Variants in DCAF13 observed in about 807,000 individuals in gnomAD.
DCAF13 encodes the protein DDB1- and CUL4-associated factor 13.
In DCAF13, 38 loss-of-function variants were observed where a neutral mutation model predicts 59.0. That is an observed-to-expected ratio of 0.64 (90% confidence interval 0.50 to 0.84). The LOEUF (loss-of-function observed/expected upper bound fraction) is 0.84. Ranked by LOEUF, DCAF13 falls within the 40% of genes least tolerant of loss-of-function variation. The pLI, the probability that DCAF13 is intolerant of heterozygous loss-of-function variation, is 0.00. For synonymous variants in DCAF13, 173 were observed against 175.0 expected (o/e 0.99, Z 0.09); for missense variants, 469 against 558.4 (o/e 0.84, Z 1.61).
chr8:103,415,552 C>A (rs561427641), intron 1 of DCAF13, 36 bp downstream of exon 1: 3 of 1,567,972 alleles, frequency 1.9e-6, no homozygotes, highest in Admixed American at 1.7e-5. Context: ...GGACGGTTTC[C>A]GCAAGTCGTT....
At chr8:103,440,105 A>G (rs77441025) in intron 8 of DCAF13, 31 bp from the exon 9 acceptor site, 240 of 1,509,246 alleles carry the variant, frequency 1.6e-4, no homozygotes, top group Non-Finnish European at 1.5e-4. Flanking sequence ...ACCAAAATCC[A>G]AAGGGTTTTA....
At chr8:103,423,051 G>C (rs1053156750) in intron 3 of DCAF13, among the ~76,000 whole-genome samples, 10 of 152,112 alleles carry the variant, frequency 6.6e-5, no homozygotes, top group Non-Finnish European at 1.5e-5. Context: ...ACCTTGCAAA[G>C]CATTCAGTTA....
chr8:103,421,136 C>A, intron 3 of DCAF13, 54 bp downstream of exon 3: 2 of 1,176,102 alleles, frequency 1.7e-6, no homozygotes, highest in Non-Finnish European at 2.5e-6. Flanking sequence ...TAAGAATAAT[C>A]TAATTGAATA....
chr8:103,418,848 A>ATTTATATATT (rs1563724007), intron 1 of DCAF13, among the ~76,000 whole-genome samples: 5 of 16,928 alleles, frequency 3.0e-4, no homozygotes, highest in African/African-American at 1.4e-3. Flanking sequence ...ATATATATAT[A>ATTTATATATT]TATATATATA....
rs748833131 is a variant in DCAF13 at position 103,426,164 on chromosome 8, T to G, written c.468+19T>G. Reference sequence around the variant, plus strand: ...AGGAAAGGTACAAAAGTAAATTGACTAATAGCTTGCCTATTAACATTCTTT... The same window carrying G: ...AGGAAAGGTACAAAAGTAAATTGACGAATAGCTTGCCTATTAACATTCTTT... On this transcript the variant is annotated intron_variant, in intron 4 of 10. Transcript: ENST00000612750. 7.2e-5 allele frequency: 103 copies of G among 1,433,886 alleles called. No individual in the cohort carries two copies. Among genetic ancestry groups the G allele is most frequent in the Non-Finnish European group, 9.6e-5 (99 of 1,029,680 alleles). 88.8% of individuals were successfully genotyped at this position (1,433,886 alleles called of 1,614,324 possible).
At chr8:103,424,928 G>A (rs1354349786) in intron 3 of DCAF13, among the ~76,000 whole-genome samples, 1 of 152,132 alleles carries the variant, frequency 6.6e-6, no homozygotes, top group African/African-American at 2.4e-5. Flanking sequence ...AATACTTTTT[G>A]TCTATAACAA....
At chr8:103,416,467 A>G (rs1315590068) in intron 1 of DCAF13, among the ~76,000 whole-genome samples, 1 of 152,166 alleles carries the variant, frequency 6.6e-6, no homozygotes, top group Non-Finnish European at 1.5e-5. Context: ...CAAGTGGTTT[A>G]GTATTCACCC....
chr8:103,424,048 TCC>T (rs1006759119), intron 3 of DCAF13, among the ~76,000 whole-genome samples: 7 of 151,742 alleles, frequency 4.6e-5, no homozygotes, highest in African/African-American at 1.7e-4. Flanking sequence ...AGATGAAGTC[TCC>T]CTCTGTCGCC....
In DCAF13 at chr8:103,415,473, T is replaced by A. The variant is rs770268158; in HGVS notation, c.27T>A (p.Asn9Lys). The A allele has an allele frequency of 6.2e-7, 1 of 1,613,666 alleles. No homozygotes were observed. Among genetic ancestry groups the A allele is most frequent in the South Asian group, 1.1e-5 (1 of 91,066 alleles). The change falls in exon 1 of 11, where the codon AAT (asparagine) becomes AAA (lysine). Residue 9 changes from asparagine to lysine, a missense_variant. By Grantham distance (94) the Asn-to-Lys change is moderately conservative. Around this residue, in one of 3 missense-constraint regions of DCAF13, gnomAD observed 355 missense variants for 399.1 expected, o/e 0.89. Coordinates refer to ENST00000612750, the MANE Select transcript of DCAF13 (RefSeq NM_015420.7). ...TGAAGGTGAAGATGCTGAGCCGGAA[T>A]CCGGACAATTATGTCCGCGAAACCA... The part of the protein sequence containing the change: MKVKMLSR[N>K]PDNYVRETKL...
rs1369542385 is a variant in DCAF13, at chr8:103,415,401, A to G, written c.-46A>G. On this transcript the variant is annotated 5_prime_UTR_variant, in exon 1 of 11. Transcript: ENST00000612750. ...GTGGGAGGAGGTGGCGGTGGGCGGA[A>G]CTCCTAGCGGACACCTCGTGGAGTC... 1.2e-6 allele frequency: 2 copies of G among 1,613,896 alleles called. No homozygotes were observed. The highest frequency in any genetic ancestry group is 1.7e-6 in the Non-Finnish European group (2 of 1,180,010).
Position 103,420,260 on chromosome 8 carries a change from T to G in DCAF13, c.71-4T>G, listed in dbSNP as rs1816704239. 1.2e-6 allele frequency: 2 copies of G among 1,612,994 alleles called. No homozygotes were observed. The highest frequency in any genetic ancestry group is 1.7e-5 in the Admixed American group (1 of 59,922). On this transcript the variant is annotated splice_region_variant and splice_polypyrimidine_tract_variant and intron_variant, in intron 1 of 10. Transcript: ENST00000612750. ...ATTATTAAGAAGGATCATTCTTATT[T>G]CAGTTCCAAGAAACTATGATCCTGC...
In DCAF13 at chr8:103,435,735, T is replaced by G. The variant is rs766706100; in HGVS notation, c.895T>G (p.Ser299Ala). The G allele has an allele frequency of 6.2e-7, 1 of 1,613,720 alleles. No individual in the cohort carries two copies. Among genetic ancestry groups the G allele is most frequent in the Non-Finnish European group, 8.5e-7 (1 of 1,179,812 alleles). ...CTCTCCCACTGGGAAGGAGTTTGTG[T>G]CTGCTAGTTTCGATAAATCTATTCG... is the stretch of plus-strand genomic sequence containing the variant. ...DYSPTGKEFV[S>A]ASFDKSIRIF... Residue 299 changes from serine (S) to alanine (A), a missense_variant, in exon 8 of 11, where the codon TCT becomes GCT. Coordinates refer to ENST00000612750, the MANE Select transcript of DCAF13 (RefSeq NM_015420.7).
intron 2 of DCAF13, 132 bp from the exon 3 acceptor site, chr8:103,420,843 G>T (rs1486533870): frequency 1.6e-5 from 10 of 641,104 alleles, no homozygotes; most frequent in Non-Finnish European, 2.5e-5. Flanking sequence ...CATATGCATT[G>T]CATTGTTTTA....
chr8:103,435,220 T>A (rs1028482919), intron 7 of DCAF13, among the ~76,000 whole-genome samples: 2 of 152,130 alleles, frequency 1.3e-5, no homozygotes, highest in African/African-American at 2.4e-5. Context: ...ACGTGAAATA[T>A]CAGAATATAA....
chr8:103,432,828 G>A (rs1816884493), intron 7 of DCAF13, 87 bp downstream of exon 7: 2 of 791,640 alleles, frequency 2.5e-6, no homozygotes. Context: ...TATACCACTA[G>A]GTAGGTATAC....
intron 3 of DCAF13, among the ~76,000 whole-genome samples, chr8:103,422,431 G>T (rs1178447027): frequency 6.6e-6 from 1 of 152,166 alleles, no homozygotes; most frequent in Non-Finnish European, 1.5e-5. Flanking sequence ...CAAGGAAGTA[G>T]CCTTGGGGAA....
chr8:103,431,859 G>A (rs1226905399), intron 6 of DCAF13, among the ~76,000 whole-genome samples: 1 of 151,780 alleles, frequency 6.6e-6, no homozygotes, highest in Non-Finnish European at 1.5e-5. Context: ...TTTTAATGGA[G>A]CTCCATTAAT....
chr8:103,417,572 G>A (rs1235982682), intron 1 of DCAF13, among the ~76,000 whole-genome samples: 15 of 150,204 alleles, frequency 1.0e-4, no homozygotes, highest in Admixed American at 9.3e-4. Context: ...AACCCAGGAG[G>A]CAGAGCTTGC....
intron 6 of DCAF13, among the ~76,000 whole-genome samples, chr8:103,431,562 C>T (rs1011924763): frequency 1.3e-5 from 2 of 152,158 alleles, no homozygotes; most frequent in African/African-American, 2.4e-5. Flanking sequence ...TTCACTCATT[C>T]ATGTGATTTA....
Sources: gnomAD v4.1 joint callset for allele counts (sites outside exome capture counted in the v4.1 genomes callset) on GRCh38, gnomAD v4.1.1 for gene constraint, gnomAD v4.1.1 regional missense constraint, MANE v1.5 for transcripts, NCBI Gene and HGNC (gene_info 2026-07-23, HGNC 2026-07-21) for gene names.